Variants in SYMPK observed in about 807,000 individuals in gnomAD.
SYMPK encodes the protein symplekin.
In SYMPK, 49 loss-of-function variants were observed where a neutral mutation model predicts 136.4. The observed-to-expected ratio is 0.36, with a 90% confidence interval of 0.29 to 0.46. SYMPK has a LOEUF of 0.46. Ranked by LOEUF, SYMPK falls within the 20% of genes least tolerant of loss-of-function variation. The pLI, the probability that SYMPK is intolerant of heterozygous loss-of-function variation, is 1.00. For missense variants in SYMPK, 1,365 were observed against 1,690.0 expected, an observed-to-expected ratio of 0.81 and a Z score of 3.37; for synonymous variants, 766 against 713.0, an observed-to-expected ratio of 1.07 and a Z score of -1.19.
Position 45,847,766 on chromosome 19 carries a change from G to T in SYMPK, c.662C>A (p.Pro221His). The T allele has an allele frequency of 6.2e-7, 1 of 1,613,752 alleles. No homozygotes were observed. Among genetic ancestry groups the T allele is most frequent in the Non-Finnish European group, 8.5e-7 (1 of 1,179,938 alleles). The change falls in exon 7 of 27, where the codon CCC becomes CAC. Residue 221 changes from proline to histidine, a missense_variant. Pro to His is a moderately conservative substitution (Grantham distance 77). Around this residue, in one of 11 missense-constraint regions of SYMPK, gnomAD observed 237 missense variants for 292.9 expected, o/e 0.81. Transcript: ENST00000245934. ...GCAGTACTCACTGTACTGGATGTAG[G>T]GGTGGTCACGAGGGATGCGGTCCAG... ...ISLDRIPRDH[P>H]YIQYNVLWEE...
At chr19:45,862,772 T>G (rs1419792085) in intron 1 of SYMPK, among the ~76,000 whole-genome samples, 1 of 152,006 alleles carries the variant, frequency 6.6e-6, no homozygotes. Flanking sequence ...CATGGCAAGT[T>G]TAAGGAACCG....
chr19:45,848,925 A>C (rs1286865067), intron 5 of SYMPK, 49 bp from the exon 6 acceptor site: 1 of 1,611,402 alleles, frequency 6.2e-7, no homozygotes, highest in Admixed American at 1.7e-5. Flanking sequence ...GTCTTAGAGC[A>C]AGTAGGAGGA....
intron 1 of SYMPK, among the ~76,000 whole-genome samples, chr19:45,857,337 G>A (rs1338443676): frequency 7.1e-6 from 1 of 140,530 alleles, no homozygotes; most frequent in Non-Finnish European, 1.5e-5. Context: ...ATGAACCCGG[G>A]AAGCGGAACT....
At chr19:45,855,727 G>A (rs1235215594) in intron 1 of SYMPK, 3 of 152,218 alleles carry the variant, frequency 2.0e-5, no homozygotes, top group African/African-American at 7.2e-5. Context: ...CAGGTGCAGT[G>A]GCTCATGCCT....
At position 45,831,387 on chromosome 19, in the gene SYMPK, G is replaced by A; in HGVS notation, c.1595C>T (p.Pro532Leu). 1 of 1,562,058 alleles carries A rather than the reference G, an allele frequency of 6.4e-7. No homozygotes were observed. ...TAGCACCCAGAAGAGGACTCACCGG[G>A]GCTGAGTGACAGGGATAATGGGCTC... The part of the protein sequence containing the change: ...RPEPIIPVTQ[P>L]RLAGAGGRKK... Residue 532 changes from proline (P) to leucine (L), a missense_variant, in exon 12 of 27, where the codon CCC (proline) becomes CTC (leucine). Physicochemically the swap from Pro to Leu is moderately conservative, Grantham distance 98. Transcript: ENST00000245934.
At position 45,823,769 on chromosome 19, in the gene SYMPK, T is replaced by C. The variant is rs1970965749; in HGVS notation, c.2597A>G (p.Lys866Arg). Residue 866 changes from lysine to arginine, a missense_variant and splice_region_variant, in exon 19 of 27, where the codon AAA (lysine) becomes AGA (arginine). Around this residue, in one of 11 missense-constraint regions of SYMPK, gnomAD observed 92 missense variants for 198.6 expected, o/e 0.46. Transcript: ENST00000245934. ...VTRCLHSLTDKVPPSPELVKR... is the reference protein window; with the variant it reads ...VTRCLHSLTDRVPPSPELVKR... ...AAGGTGGGGGTCTCCAGGGTCACCTTTGTCTGTGAGGCTGTGCAGACATCT... is the reference window on the plus strand; with the variant it reads ...AAGGTGGGGGTCTCCAGGGTCACCTCTGTCTGTGAGGCTGTGCAGACATCT... 1 of 1,613,398 alleles carries C rather than the reference T, an allele frequency of 6.2e-7. No homozygotes were observed. The highest frequency in any genetic ancestry group is 8.5e-7 in the Non-Finnish European group (1 of 1,179,422).
At chr19:45,847,349 G>A (rs933494714) in intron 7 of SYMPK, among the ~76,000 whole-genome samples, 1 of 151,770 alleles carries the variant, frequency 6.6e-6, no homozygotes, top group Non-Finnish European at 1.5e-5. Flanking sequence ...TCTTGAACCC[G>A]GAAGGCGGAG....
Position 45,847,878 on chromosome 19 carries a change from T to C in SYMPK, c.550A>G (p.Ile184Val), listed in dbSNP as rs1971605032. 2 of 1,613,960 alleles carry C rather than the reference T, an allele frequency of 1.2e-6. No individual in the cohort carries two copies. The highest frequency in any genetic ancestry group is 1.7e-6 in the Non-Finnish European group (2 of 1,179,968). Residue 184 changes from isoleucine to valine, a missense_variant, in exon 7 of 27, where the codon ATC becomes GTC. Ile to Val is a conservative substitution (Grantham distance 29, BLOSUM62 3). Around this residue, in one of 11 missense-constraint regions of SYMPK, gnomAD observed 237 missense variants for 292.9 expected, o/e 0.81. Coordinates refer to ENST00000245934, the MANE Select transcript of SYMPK (RefSeq NM_004819.3). ...SDNDGIRTHA[I>V]KFVEGLIVTL... The stretch of plus-strand genomic sequence containing the variant: ...ACAATGAGGCCCTCCACAAACTTGA[T>C]GGCGTGGGTGCGGATGCCGTCATTG...
intron 1 of SYMPK, among the ~76,000 whole-genome samples, chr19:45,858,644 T>C (rs1459638935): frequency 6.6e-6 from 1 of 152,130 alleles, no homozygotes; most frequent in African/African-American, 2.4e-5. Context: ...GCCTCCCTAG[T>C]AGCTGGGATT....
chr19:45,836,459 T>C (rs538453058), intron 10 of SYMPK, among the ~76,000 whole-genome samples: 34 of 151,384 alleles, frequency 2.2e-4, no homozygotes, highest in Non-Finnish European at 3.1e-4. Context: ...CGAAACCTCA[T>C]CTCTACTAAA....
At position 45,847,932 on chromosome 19, in the gene SYMPK, C is replaced by T; in HGVS notation, c.496G>A (p.Gly166Arg). 6.2e-7 allele frequency: 1 copy of T among 1,612,248 alleles called. No individual in the cohort carries two copies. Among genetic ancestry groups the T allele is most frequent in the Non-Finnish European group, 8.5e-7 (1 of 1,178,764 alleles). ...ACWDMVSAMA[G>R]DIILLLDSDN... ...GAGTCCAATAGCAGGATGATGTCCC[C>T]CGCCATGGCAGATACCATGTCCCAG... The change falls in exon 7 of 27, where the codon GGG becomes AGG. Residue 166 changes from glycine to arginine, a missense_variant. Transcript: ENST00000245934.
At position 45,816,746 on chromosome 19, in the gene SYMPK, C is replaced by T. The variant is rs956822141; in HGVS notation, c.3258+52G>A. 4.7e-6 allele frequency: 7 copies of T among 1,481,400 alleles called. No individual in the cohort carries two copies. The African/African-American group carries it at 5.6e-5, about 12-fold the overall frequency. The allele number at this position is 1,481,400 out of a possible 1,614,324, so 91.8% of individuals were successfully genotyped here. On this transcript the variant is annotated intron_variant, in intron 24 of 26. Coordinates refer to ENST00000245934, the MANE Select transcript of SYMPK (RefSeq NM_004819.3). Reference sequence around the variant, plus strand: ...AACCAGAGGGACCCAGGGGGCCGCCCACCGCACACCCTGGGTGGGGGGAAA... The same window carrying T: ...AACCAGAGGGACCCAGGGGGCCGCCTACCGCACACCCTGGGTGGGGGGAAA...
chr19:45,822,735 G>A, intron 21 of SYMPK, 21 bp downstream of exon 21: 2 of 1,609,370 alleles, frequency 1.2e-6, no homozygotes. Context: ...CTCTTGGTGG[G>A]GATGAGGCTG....
intron 1 of SYMPK, among the ~76,000 whole-genome samples, chr19:45,859,823 C>G (rs1279414098): frequency 6.6e-6 from 1 of 151,758 alleles, no homozygotes. Flanking sequence ...AGGAAGAGTA[C>G]TTGAGGCCAG....
chr19:45,841,430 T>C (rs1161181252), intron 9 of SYMPK, among the ~76,000 whole-genome samples: 1 of 152,046 alleles, frequency 6.6e-6, no homozygotes, highest in Non-Finnish European at 1.5e-5. Context: ...GTATCTGGGA[T>C]TACAGGCATG....
chr19:45,855,513 C>A (rs1394670283), intron 1 of SYMPK: 2 of 151,788 alleles, frequency 1.3e-5, no homozygotes, highest in Admixed American at 1.3e-4. Context: ...GGCTTCAACA[C>A]CTGTGAAAGT....
chr19:45,823,617 T>C lies in SYMPK; in HGVS notation c.2600-145A>G, dbSNP rs150477248. 1.1e-4 allele frequency: 106 copies of C among 960,864 alleles called. No homozygotes were observed. The Middle Eastern group carries it at 1.6e-3, about 14-fold the overall frequency. 59.5% of individuals were successfully genotyped at this position (960,864 alleles called of 1,614,324 possible). ...TGCTCACGTGCAATTAGCACCACAC[T>C]GTTCCAAATGGAGAAACTGAGGCCC... On this transcript the variant is annotated intron_variant, in intron 19 of 26. Transcript: ENST00000245934.
intron 1 of SYMPK, chr19:45,861,873 C>G (rs1038348645): frequency 1.3e-5 from 2 of 151,868 alleles, no homozygotes; most frequent in Non-Finnish European, 1.5e-5. Flanking sequence ...AGAGAAACCC[C>G]GTCTCTACTA....
At chr19:45,835,747 A>G (rs1260444835) in intron 10 of SYMPK, among the ~76,000 whole-genome samples, 1 of 152,088 alleles carries the variant, frequency 6.6e-6, no homozygotes, top group African/African-American at 2.4e-5. Context: ...CCCTGTCTCT[A>G]CTAAAAATAC....
Sources: gnomAD v4.1 joint callset for allele counts (sites outside exome capture counted in the v4.1 genomes callset) on GRCh38, gnomAD v4.1.1 for gene constraint, gnomAD v4.1.1 regional missense constraint, MANE v1.5 for transcripts, NCBI Gene and HGNC (gene_info 2026-07-23, HGNC 2026-07-21) for gene names.